The following ZDHHC7 variants were observed in gnomAD, a reference collection of about 807,000 sequenced individuals.
ZDHHC7 encodes the protein palmitoyltransferase ZDHHC7.
A neutral mutation model predicts 34.1 loss-of-function variants in ZDHHC7; 12 were observed. That is an observed-to-expected ratio of 0.35 (90% CI 0.23 to 0.57). The LOEUF (loss-of-function observed/expected upper bound fraction) is 0.57. ZDHHC7 is among the 20% of genes least tolerant of loss of function. ZDHHC7 has a pLI of 0.84. For synonymous variants in ZDHHC7, 185 were observed against 155.4 expected (o/e 1.19, Z -1.42); for missense variants, 388 against 402.7 (o/e 0.96, Z 0.31).
At chr16:84,997,465 G>C (rs1302521848) in intron 1 of ZDHHC7, among the ~76,000 whole-genome samples, 1 of 150,546 alleles carries the variant, frequency 6.6e-6, no homozygotes, top group Non-Finnish European at 1.5e-5. Flanking sequence ...TAGAGACGTG[G>C]TTTCACCATG....
At chr16:85,022,531 G>T in the ZDHHC7 span, among the ~76,000 whole-genome samples, 149 of 152,056 alleles carry the variant, frequency 9.8e-4, no homozygotes, top group African/African-American at 3.2e-3. Context: ...TTAATAATAA[G>T]AAGAAGGAGA....
At chr16:85,025,042 C>T in the ZDHHC7 span, among the ~76,000 whole-genome samples, 4 of 152,048 alleles carry the variant, frequency 2.6e-5, no homozygotes, top group African/African-American at 7.2e-5. Flanking sequence ...TTTGGGAGGC[C>T]GAGGTAGGTG....
chr16:84,990,090 G>A (rs1013443760), intron 3 of ZDHHC7, among the ~76,000 whole-genome samples: 10 of 152,184 alleles, frequency 6.6e-5, no homozygotes, highest in South Asian at 6.2e-4. Flanking sequence ...CCTGCAAGGC[G>A]TCAGGAACTA....
At chr16:84,991,913 A>C (rs2072514475) in intron 2 of ZDHHC7, among the ~76,000 whole-genome samples, 1 of 152,132 alleles carries the variant, frequency 6.6e-6, no homozygotes, top group Non-Finnish European at 1.5e-5. Flanking sequence ...TAAAGAAAAA[A>C]GTAGGACCGG....
chr16:84,988,917 C>A (rs760771765), intron 3 of ZDHHC7: 2 of 1,536,216 alleles, frequency 1.3e-6, no homozygotes, highest in South Asian at 1.2e-5. Context: ...CTGGACCTGG[C>A]CCTGTAGCTG....
At chr16:84,988,753 C>G (rs1240473974) in intron 3 of ZDHHC7, 1 of 1,550,936 alleles carries the variant, frequency 6.4e-7, no homozygotes, top group Non-Finnish European at 8.7e-7. Flanking sequence ...TGTGCCTACC[C>G]CACACTCACA....
intron 1 of ZDHHC7, among the ~76,000 whole-genome samples, chr16:85,008,999 C>T (rs567366295): frequency 4.4e-4 from 66 of 150,296 alleles, no homozygotes; most frequent in African/African-American, 1.5e-3. Flanking sequence ...GAGCCAAGAT[C>T]GAGCCACTGC....
At chr16:85,015,100 GTTTT>G (rs535398788), upstream of ZDHHC7, among the ~76,000 whole-genome samples, 3 of 141,240 alleles carry the variant, frequency 2.1e-5, no homozygotes, top group Non-Finnish European at 3.1e-5. Context: ...GAGTTTTGTT[GTTTT>G]TTTTTTTTTT....
chr16:85,007,176 C>T (rs916952148), intron 1 of ZDHHC7, among the ~76,000 whole-genome samples: 1 of 151,958 alleles, frequency 6.6e-6, no homozygotes, highest in Non-Finnish European at 1.5e-5. Context: ...GTAATCCCAG[C>T]ACTTTGGGAG....
intron 1 of ZDHHC7, among the ~76,000 whole-genome samples, chr16:85,010,045 C>CTT (rs10630948): frequency 0.2 from 27,681 of 138,330 alleles, 3,280 homozygotes; most frequent in East Asian, 0.32. Context: ...AACAAAGTGA[C>CTT]TTTTTTTTTT....
At chr16:85,027,152 A>G in the ZDHHC7 span, among the ~76,000 whole-genome samples, 2 of 152,240 alleles carry the variant, frequency 1.3e-5, no homozygotes, top group African/African-American at 4.8e-5. Context: ...TACCAGTCTC[A>G]AAGATGCCCC....
intron 3 of ZDHHC7, among the ~76,000 whole-genome samples, chr16:84,982,798 C>G (rs994743823): frequency 1.3e-5 from 2 of 152,238 alleles, no homozygotes; most frequent in Admixed American, 6.5e-5. Flanking sequence ...GCCCCAAGTG[C>G]TAGAGGAGCT....
At chr16:84,979,518 T>C (rs1291219049) in intron 4 of ZDHHC7, among the ~76,000 whole-genome samples, 1 of 152,188 alleles carries the variant, frequency 6.6e-6, no homozygotes, top group Non-Finnish European at 1.5e-5. Context: ...AAGGTCAAAC[T>C]AAGCCATACT....
chr16:85,010,301 C>A (rs1021833366), intron 1 of ZDHHC7, among the ~76,000 whole-genome samples: 6 of 152,250 alleles, frequency 3.9e-5, no homozygotes, highest in African/African-American at 1.4e-4. Flanking sequence ...GGATTACAGG[C>A]ATGAGCCACG....
chr16:84,988,150 G>A (rs945909581), intron 3 of ZDHHC7, among the ~76,000 whole-genome samples: 14 of 151,996 alleles, frequency 9.2e-5, no homozygotes, highest in African/African-American at 2.9e-4. Context: ...CAGCCTGGGC[G>A]ACAGAGTGAG....
intron 2 of ZDHHC7, among the ~76,000 whole-genome samples, chr16:84,991,460 G>C (rs1188271859): frequency 1.3e-5 from 2 of 151,692 alleles, no homozygotes; most frequent in African/African-American, 4.8e-5. Flanking sequence ...TAATTTTTTT[G>C]TATTTTTAGT....
At chr16:84,982,112 A>T (rs1401953338) in intron 3 of ZDHHC7, 118 bp from the exon 4 acceptor site, 57 of 1,378,054 alleles carry the variant, frequency 4.1e-5, no homozygotes, top group Non-Finnish European at 2.6e-5. Context: ...CGGGTGGATC[A>T]CGGGGTCAGG....
At chr16:85,011,146 G>T (rs771439589) in intron 1 of ZDHHC7, 140 bp downstream of exon 1, 1 of 152,346 alleles carries the variant, frequency 6.6e-6, no homozygotes, top group African/African-American at 2.4e-5. Flanking sequence ...GTGCCCCTAG[G>T]AACTCCAGAA....
the ZDHHC7 span, among the ~76,000 whole-genome samples, chr16:85,026,347 T>A: frequency 1.3e-5 from 2 of 152,114 alleles, no homozygotes; most frequent in Admixed American, 1.3e-4. Context: ...CACTCGCCTG[T>A]AGCAACCACG....
Sources: gnomAD v4.1 joint callset for allele counts (sites outside exome capture counted in the v4.1 genomes callset) on GRCh38, gnomAD v4.1.1 for gene constraint, MANE v1.5 for transcripts, NCBI Gene and HGNC (gene_info 2026-07-23, HGNC 2026-07-21) for gene names.